Variants in MTHFD1 observed in about 807,000 individuals in gnomAD.
MTHFD1 encodes C-1-tetrahydrofolate synthase, cytoplasmic.
Under a neutral mutation model 110.3 loss-of-function variants are expected in MTHFD1, and 44 were observed. The observed-to-expected ratio is 0.40, with a 90% CI of 0.31 to 0.51. MTHFD1 has a LOEUF of 0.51. Among genes scored for constraint, MTHFD1 ranks in the 20% least tolerant of loss-of-function variants. MTHFD1 has a pLI of 0.60. For missense variants in MTHFD1, 909 were observed against 1,173.1 expected (o/e 0.77, Z 3.29); for synonymous variants, 402 against 428.8 (o/e 0.94, Z 0.77).
intron 17 of MTHFD1, chr14:64,439,450 CTT>C: frequency 2.0e-6 from 1 of 490,344 alleles, no homozygotes; most frequent in Non-Finnish European, 3.7e-6. Context: ...AAAATTGCTT[CTT>C]TTTTGTGGCC....
At chr14:64,401,682 G>T (rs1287346957) in intron 2 of MTHFD1, among the ~76,000 whole-genome samples, 13 of 135,184 alleles carry the variant, frequency 9.6e-5, no homozygotes, top group African/African-American at 3.7e-4. Flanking sequence ...CAGCCTGGGC[G>T]ACAGAGAGAT....
rs2078416583 is a variant in MTHFD1 at position 64,453,688 on chromosome 14, A to C, written c.2458-66A>C. On this transcript the variant is annotated intron_variant, in intron 24 of 27. Transcript: ENST00000652337. ...AGGGACTCTGACCTAGAATGTGGCT[A>C]TGTCCTGGTTAAATGTCCTCACATG... 1.2e-5 allele frequency: 11 copies of C among 929,004 alleles called. No homozygotes were observed. The South Asian group carries it at 1.2e-4, about 10-fold the overall frequency. 57.5% of individuals were successfully genotyped at this position (929,004 alleles called of 1,614,324 possible).
At chr14:64,428,023 T>C (rs1458285099) in intron 12 of MTHFD1, among the ~76,000 whole-genome samples, 1 of 151,992 alleles carries the variant, frequency 6.6e-6, no homozygotes. Flanking sequence ...GATTCTTCCA[T>C]GTCTATTTCA....
At chr14:64,414,339 C>G (rs1395213017) in intron 4 of MTHFD1, among the ~76,000 whole-genome samples, 5 of 125,144 alleles carry the variant, frequency 4.0e-5, no homozygotes, top group African/African-American at 1.6e-4. Flanking sequence ...GTTGCCCAGG[C>G]TGGATGCAGT....
chr14:64,407,566 T>A (rs1361309884), intron 2 of MTHFD1, among the ~76,000 whole-genome samples: 1 of 140,770 alleles, frequency 7.1e-6, no homozygotes, highest in Non-Finnish European at 1.5e-5. Flanking sequence ...TTTTTTTGAG[T>A]CAGAATCTTG....
At chr14:64,435,269 CCTT>C (rs996520705) in intron 15 of MTHFD1, among the ~76,000 whole-genome samples, 2 of 152,008 alleles carry the variant, frequency 1.3e-5, no homozygotes, top group African/African-American at 4.8e-5. Context: ...CTGAAGCTCT[CCTT>C]CTTTGCTAGT....
chr14:64,437,687 C>G (rs772064943), intron 16 of MTHFD1, among the ~76,000 whole-genome samples: 74 of 152,208 alleles, frequency 4.9e-4, no homozygotes, highest in Non-Finnish European at 1.2e-4. Flanking sequence ...AGGGTCCCCA[C>G]AACCCCCTGC....
chr14:64,441,782 G>A lies in MTHFD1; in HGVS notation c.1885-272G>A, dbSNP rs184659534. ...CACGCCACTGCACTCCAGACTGGGC[G>A]ACAGAGCGAGACTCCGTGTCAAAAA... On this transcript the variant is annotated intron_variant, in intron 19 of 27. Coordinates refer to ENST00000652337, the MANE Select transcript of MTHFD1 (RefSeq NM_005956.4). The A allele has an allele frequency of 7.7e-3, 4,292 of 558,726 alleles. 38 individuals carry two copies. The highest frequency in any genetic ancestry group is 7.9e-3 in the Non-Finnish European group (2,492 of 315,414). The allele number at this position is 558,726 out of a possible 1,614,324, so 34.6% of individuals were successfully genotyped here. A position where few individuals can be genotyped will look rare whatever the true frequency, so the allele number is the denominator to read the frequency against.
At chr14:64,446,691 A>G (rs111531042) in intron 22 of MTHFD1, among the ~76,000 whole-genome samples, 23,669 of 151,768 alleles carry the variant, frequency 0.16, 2,212 homozygotes, top group African/African-American at 0.27. Context: ...ACAAGCACCC[A>G]CCATCATGTC....
chr14:64,415,423 T>G lies in MTHFD1; in HGVS notation c.306T>G (p.Pro102=), dbSNP rs373757199. Residue 102 remains proline (P), a synonymous_variant, in exon 5 of 28, where the codon CCT becomes CCG. Transcript: ENST00000652337. ...TACATGGGTTCTTAGTGCAGCTACC[T>G]TTAGATTCAGAGAATTCCATTAACA... ...STVHGFLVQL[P]LDSENSINTE... 1.9e-6 allele frequency: 3 copies of G among 1,613,586 alleles called. No homozygotes were observed. Among genetic ancestry groups the G allele is most frequent in the Non-Finnish European group, 1.7e-6 (2 of 1,179,458 alleles).
At chr14:64,428,240 C>T (rs888033159) in intron 12 of MTHFD1, among the ~76,000 whole-genome samples, 18 of 151,448 alleles carry the variant, frequency 1.2e-4, no homozygotes, top group African/African-American at 4.4e-4. Flanking sequence ...CACAGCCTCC[C>T]GAGTAGCTGG....
At chr14:64,400,945 C>T in intron 2 of MTHFD1, 68 bp downstream of exon 2, 1 of 1,150,700 alleles carries the variant, frequency 8.7e-7, no homozygotes, top group Non-Finnish European at 1.3e-6. Context: ...TCAGACCTCT[C>T]CCTCTACTTT....
chr14:64,397,186 TATATAA>T (rs1365449927), intron 1 of MTHFD1, among the ~76,000 whole-genome samples: 2,600 of 9,924 alleles, frequency 0.26, 621 homozygotes, highest in Middle Eastern at 1. Context: ...TATATATATA[TATATAA>T]AAAACAGTAA....
intron 15 of MTHFD1, 126 bp downstream of exon 15, chr14:64,431,987 A>G: frequency 1.2e-6 from 1 of 805,650 alleles, no homozygotes; most frequent in Non-Finnish European, 2.1e-6. Flanking sequence ...TCATAGTCTT[A>G]AAGTCATGAT....
chr14:64,451,151 C>T (rs966471969), intron 24 of MTHFD1, among the ~76,000 whole-genome samples: 3 of 151,866 alleles, frequency 2.0e-5, no homozygotes, highest in East Asian at 3.9e-4. Context: ...GCAACAAGTG[C>T]GAAACTTCGT....
intron 2 of MTHFD1, among the ~76,000 whole-genome samples, chr14:64,409,597 A>G (rs1179955525): frequency 6.6e-6 from 1 of 152,150 alleles, no homozygotes; most frequent in Non-Finnish European, 1.5e-5. Context: ...GTGGTGGGGC[A>G]AAGAACATAC....
chr14:64,392,055 T>C (rs1172366877), intron 1 of MTHFD1, among the ~76,000 whole-genome samples: 1 of 151,892 alleles, frequency 6.6e-6, no homozygotes, highest in Non-Finnish European at 1.5e-5. Flanking sequence ...AATATGGGAG[T>C]CATAGTCTTT....
intron 1 of MTHFD1, among the ~76,000 whole-genome samples, chr14:64,397,796 A>T (rs1396254457): frequency 2.0e-5 from 3 of 152,148 alleles, no homozygotes; most frequent in Non-Finnish European, 4.4e-5. Context: ...GCTTCTGTTG[A>T]AATGTCCATG....
chr14:64,440,420 T>G (rs2078238679), intron 18 of MTHFD1, 154 bp downstream of exon 18: 1 of 947,502 alleles, frequency 1.1e-6, no homozygotes, highest in Non-Finnish European at 1.7e-6. Context: ...AAGATAATTA[T>G]GAAATGTTTA....
Sources: gnomAD v4.1 joint callset for allele counts (sites outside exome capture counted in the v4.1 genomes callset) on GRCh38, gnomAD v4.1.1 for gene constraint, MANE v1.5 for transcripts, NCBI Gene and HGNC (gene_info 2026-07-23, HGNC 2026-07-21) for gene names.